Variants in DPP10 observed in about 807,000 individuals in gnomAD.
DPP10 encodes the protein inactive dipeptidyl peptidase 10.
In DPP10, 33 loss-of-function variants were observed where a neutral mutation model predicts 120.9. The observed-to-expected ratio is 0.27, with a 90% CI of 0.21 to 0.37. The LOEUF (loss-of-function observed/expected upper bound fraction) is 0.37. DPP10 is among the 10% of genes least tolerant of loss of function. The pLI is 1.00. For synonymous variants in DPP10, 337 were observed against 326.1 expected (o/e 1.03, Z -0.36); for missense variants, 816 against 942.8 (o/e 0.87, Z 1.76).
chr2:115,063,944 T>G (rs1706629353), intron 1 of DPP10, among the ~76,000 whole-genome samples: 1 of 152,224 alleles, frequency 6.6e-6, no homozygotes, highest in Admixed American at 6.5e-5. Flanking sequence ...TTAGCTTGTC[T>G]CATTCATCTT....
chr2:115,345,321 A>G (rs1222923841), intron 3 of DPP10, among the ~76,000 whole-genome samples: 2 of 152,174 alleles, frequency 1.3e-5, no homozygotes, highest in African/African-American at 4.8e-5. Flanking sequence ...TTTCACATAT[A>G]CACTATAATG....
chr2:115,273,902 G>A (rs2059804561), intron 1 of DPP10, among the ~76,000 whole-genome samples: 2 of 152,180 alleles, frequency 1.3e-5, no homozygotes, highest in Non-Finnish European at 2.9e-5. Flanking sequence ...GTATTTCATA[G>A]CCAAATACAT....
At chr2:115,758,751 A>G (rs1301806751) in intron 11 of DPP10, among the ~76,000 whole-genome samples, 2 of 152,162 alleles carry the variant, frequency 1.3e-5, no homozygotes, top group Non-Finnish European at 2.9e-5. Flanking sequence ...AAGGACCACA[A>G]ATAGGTCAAC....
intron 1 of DPP10, among the ~76,000 whole-genome samples, chr2:114,623,003 A>G (rs1019201106): frequency 2.0e-5 from 3 of 152,110 alleles, no homozygotes; most frequent in African/African-American, 7.2e-5. Context: ...GGATGAACCA[A>G]GGTTAATGAT....
chr2:114,738,948 TC>T (rs1677743709), intron 1 of DPP10, among the ~76,000 whole-genome samples: 1 of 152,100 alleles, frequency 6.6e-6, no homozygotes, highest in South Asian at 2.1e-4. Flanking sequence ...CTGAAATGTC[TC>T]CCCTATCCTA....
chr2:115,196,580 C>G (rs1043455907), intron 1 of DPP10, among the ~76,000 whole-genome samples: 5 of 152,116 alleles, frequency 3.3e-5, no homozygotes, highest in African/African-American at 1.2e-4. Context: ...TAAGATTGAA[C>G]CTACATTTAA....
chr2:114,661,518 G>C (rs913383396), intron 1 of DPP10, among the ~76,000 whole-genome samples: 1 of 152,174 alleles, frequency 6.6e-6, no homozygotes, highest in East Asian at 1.9e-4. Context: ...CAAAAGGAAG[G>C]CCGTGTCCCT....
intron 1 of DPP10, among the ~76,000 whole-genome samples, chr2:115,214,701 C>T (rs747042957): frequency 5.9e-5 from 9 of 152,240 alleles, no homozygotes; most frequent in Middle Eastern, 3.4e-3. Context: ...GATCTTATAT[C>T]ATTCTTAATG....
At chr2:115,135,995 GGA>G (rs965355015) in intron 1 of DPP10, among the ~76,000 whole-genome samples, 17 of 152,148 alleles carry the variant, frequency 1.1e-4, no homozygotes, top group African/African-American at 4.1e-4. Flanking sequence ...TCTTCTGCCA[GGA>G]GAGTTTTTTT....
chr2:114,625,443 T>A (rs1694437176), intron 1 of DPP10, among the ~76,000 whole-genome samples: 1 of 151,968 alleles, frequency 6.6e-6, no homozygotes, highest in East Asian at 1.9e-4. Flanking sequence ...TTGAGATGAT[T>A]GGTAATTATC....
At chr2:115,033,269 G>A (rs1458816225) in intron 1 of DPP10, among the ~76,000 whole-genome samples, 4 of 152,090 alleles carry the variant, frequency 2.6e-5, no homozygotes, top group East Asian at 1.9e-4. Flanking sequence ...TTATAAACAC[G>A]ATGAGATAAC....
intron 3 of DPP10, among the ~76,000 whole-genome samples, chr2:115,439,729 G>A (rs749260596): frequency 2.0e-5 from 3 of 152,086 alleles, no homozygotes; most frequent in Non-Finnish European, 4.4e-5. Flanking sequence ...AAAGAAAATC[G>A]AAATTACCAC....
chr2:115,027,014 G>C (rs908403535), intron 1 of DPP10, among the ~76,000 whole-genome samples: 3 of 151,764 alleles, frequency 2.0e-5, no homozygotes, highest in African/African-American at 4.8e-5. Context: ...TGTTTTAAAC[G>C]TTTCCTTGTA....
chr2:114,813,913 T>C (rs1340485210), intron 1 of DPP10, among the ~76,000 whole-genome samples: 1 of 148,236 alleles, frequency 6.7e-6, no homozygotes, highest in African/African-American at 2.5e-5. Flanking sequence ...TAATGCCAAA[T>C]AGCCTGTGGC....
intron 1 of DPP10, among the ~76,000 whole-genome samples, chr2:114,920,626 T>C (rs1197906462): frequency 6.6e-6 from 1 of 152,196 alleles, no homozygotes; most frequent in Admixed American, 6.5e-5. Flanking sequence ...CTATAACACA[T>C]TGTAATTTTT....
At chr2:115,170,750 A>G (rs1030911321) in intron 1 of DPP10, among the ~76,000 whole-genome samples, 1 of 152,136 alleles carries the variant, frequency 6.6e-6, no homozygotes, top group African/African-American at 2.4e-5. Context: ...CCATAGTGAG[A>G]GTGATAGGCA....
chr2:114,571,609 C>G (rs1238682881), intron 1 of DPP10, among the ~76,000 whole-genome samples: 1 of 151,968 alleles, frequency 6.6e-6, no homozygotes, highest in Non-Finnish European at 1.5e-5. Flanking sequence ...ATGGAGGGAA[C>G]CAGAAAGTGG....
chr2:115,657,817 C>A (rs1379681199), intron 5 of DPP10, among the ~76,000 whole-genome samples: 1 of 151,716 alleles, frequency 6.6e-6, no homozygotes, highest in East Asian at 1.9e-4. Context: ...AAAATAAAAA[C>A]CATTACAAAA....
intron 1 of DPP10, among the ~76,000 whole-genome samples, chr2:114,546,739 C>G (rs998893642): frequency 1.1e-4 from 17 of 152,204 alleles, no homozygotes; most frequent in African/African-American, 4.1e-4. Context: ...AATTGAGGCT[C>G]TGTATGAGTC....
Sources: allele counts gnomAD v4.1 joint callset (sites outside exome capture counted in the v4.1 genomes callset), GRCh38; gene constraint gnomAD v4.1.1; transcripts MANE v1.5; gene names NCBI Gene and HGNC (gene_info 2026-07-23, HGNC 2026-07-21).